Variants in FOXP1 observed in about 807,000 individuals in gnomAD.
The protein encoded by FOXP1 is forkhead box protein P1.
A neutral mutation model predicts 98.2 loss-of-function variants in FOXP1; 15 were observed. The observed-to-expected ratio is 0.15, with a 90% CI of 0.10 to 0.24. The LOEUF is 0.24. FOXP1 is among the 10% of genes least tolerant of loss of function. The pLI is 1.00. For missense variants in FOXP1, 633 were observed against 848.5 expected (o/e 0.75, Z 3.15); for synonymous variants, 371 against 314.5 (o/e 1.18, Z -1.90).
intron 3 of FOXP1, among the ~76,000 whole-genome samples, chr3:71,418,927 AC>A (rs1302288899): frequency 8.4e-6 from 1 of 119,132 alleles, no homozygotes; most frequent in Non-Finnish European, 1.8e-5. Context: ...TATATGAAAG[AC>A]CGGTCTCAAA....
intron 3 of FOXP1, among the ~76,000 whole-genome samples, chr3:71,404,120 C>CTTTTCTTTTTCTT (rs71120324): frequency 1.6e-5 from 1 of 62,704 alleles, no homozygotes; most frequent in African/African-American, 6.4e-5. Flanking sequence ...TTTTCTTTTT[C>CTTTTCTTTTTCTT]TTTTTTTTTT....
intron 3 of FOXP1, among the ~76,000 whole-genome samples, chr3:71,373,595 T>C (rs906645012): frequency 2.0e-5 from 3 of 152,250 alleles, no homozygotes; most frequent in Non-Finnish European, 2.9e-5. Flanking sequence ...AAAAGCAGCA[T>C]AGTGAGGTGA....
At chr3:71,023,514 CACT>C (rs1332970924) in intron 11 of FOXP1, among the ~76,000 whole-genome samples, 1 of 152,138 alleles carries the variant, frequency 6.6e-6, no homozygotes, top group Non-Finnish European at 1.5e-5. Context: ...CGATGGAAGC[CACT>C]ACTATTTTAA....
chr3:71,131,976 G>A (rs1211838922), intron 6 of FOXP1, among the ~76,000 whole-genome samples: 1 of 152,174 alleles, frequency 6.6e-6, no homozygotes, highest in Non-Finnish European at 1.5e-5. Flanking sequence ...TTTGGGGAGG[G>A]GTGGAGTATC....
At chr3:71,483,462 T>G (rs1391871011) in intron 3 of FOXP1, among the ~76,000 whole-genome samples, 1 of 152,162 alleles carries the variant, frequency 6.6e-6, no homozygotes, top group Non-Finnish European at 1.5e-5. Context: ...CTTGGCAAAC[T>G]ATAGGCGCGT....
At chr3:71,201,576 G>C (rs985040294) in intron 5 of FOXP1, among the ~76,000 whole-genome samples, 2 of 152,120 alleles carry the variant, frequency 1.3e-5, no homozygotes, top group Non-Finnish European at 2.9e-5. Flanking sequence ...GAACCCAGGA[G>C]GCAGAGGTTG....
chr3:71,245,468 G>A (rs1405768012), intron 5 of FOXP1: 1 of 151,606 alleles, frequency 6.6e-6, no homozygotes, highest in Non-Finnish European at 1.5e-5. Flanking sequence ...GTAAGAAAAG[G>A]CTTTTAACAT....
intron 3 of FOXP1, among the ~76,000 whole-genome samples, chr3:71,380,821 T>C (rs1284728157): frequency 2.0e-5 from 3 of 149,964 alleles, no homozygotes; most frequent in African/African-American, 4.9e-5. Context: ...CAAGACAGAA[T>C]GGTTTTTTGC....
At chr3:71,196,234 C>T (rs1247735929) in intron 6 of FOXP1, among the ~76,000 whole-genome samples, 1 of 152,150 alleles carries the variant, frequency 6.6e-6, no homozygotes, top group Non-Finnish European at 1.5e-5. Flanking sequence ...CCCATAACAA[C>T]AAATTTTCCA....
In FOXP1 at chr3:71,408,885, G is replaced by A. The variant is rs550798450; in HGVS notation, c.-167-49641C>T. On this transcript the variant is annotated intron_variant, in intron 3 of 20. Coordinates refer to ENST00000649528, the MANE Select transcript of FOXP1 (RefSeq NM_001349338.3). ...GATGTATCTTAGAGGCAGAATCGAT[G>A]AACAAATCATTTGGGCTACATCCTA... Among the ~76,000 whole-genome samples, 8 of 152,266 alleles carry A rather than the reference G, an allele frequency of 5.3e-5. No individual in the cohort carries two copies. The East Asian group carries it at 1.5e-3, about 29-fold the overall frequency.
intron 3 of FOXP1, among the ~76,000 whole-genome samples, chr3:71,445,595 T>C (rs1022430546): frequency 6.6e-6 from 1 of 152,168 alleles, no homozygotes; most frequent in Non-Finnish European, 1.5e-5. Flanking sequence ...TTCTGTGTTA[T>C]GTATGCCCCA....
chr3:71,025,837 A>G (rs1056990531), intron 11 of FOXP1, among the ~76,000 whole-genome samples: 3 of 152,220 alleles, frequency 2.0e-5, no homozygotes, highest in African/African-American at 7.2e-5. Flanking sequence ...CACAGTCCCC[A>G]AACTCTAGGT....
chr3:71,366,874 T>A (rs1045682772), intron 3 of FOXP1, among the ~76,000 whole-genome samples: 1 of 152,244 alleles, frequency 6.6e-6, no homozygotes, highest in Admixed American at 6.5e-5. Context: ...TAAATTTTCA[T>A]ACTTTAAGCC....
At position 71,532,300 on chromosome 3, in the gene FOXP1, T is replaced by A. The variant is rs1409970266; in HGVS notation, c.-297-38745A>T. Among the ~76,000 whole-genome samples the A allele has an allele frequency of 2.6e-5, 4 of 152,176 alleles. No individual in the cohort carries two copies. The East Asian group carries it at 7.7e-4, about 29-fold the overall frequency. ...TTTGTAGAGACGGGGTTTTGCCGTA[T>A]TGCCCAGGCTGGTCTCCAACTCCTG... is the stretch of plus-strand genomic sequence containing the variant. On this transcript the variant is annotated intron_variant, in intron 2 of 20. Transcript: ENST00000649528.
rs1249533636 is a variant in FOXP1 at position 70,956,740 on chromosome 3, T to G, written c.*2507A>C. ...TGAAGCTGCCTGGAAAAGTTTTTTT[T>G]TTTTTTTTTTTTTTTTTTTTTTTTT... On this transcript the variant is annotated 3_prime_UTR_variant, in exon 21 of 21. Coordinates refer to ENST00000649528, the MANE Select transcript of FOXP1 (RefSeq NM_001349338.3). The G allele has an allele frequency of 1.4e-5, 2 of 148,046 alleles. No individual in the cohort carries two copies. The highest frequency in any genetic ancestry group is 1.2e-5 in the Non-Finnish European group (1 of 84,698). 9.2% of individuals were successfully genotyped at this position (148,046 alleles called of 1,614,324 possible).
chr3:71,204,993 AT>A (rs2063927564), intron 5 of FOXP1, among the ~76,000 whole-genome samples: 1 of 152,156 alleles, frequency 6.6e-6, no homozygotes, highest in African/African-American at 2.4e-5. Flanking sequence ...CCGTCTTCCA[AT>A]ACCACATTTT....
chr3:71,230,116 G>C (rs910558241), intron 5 of FOXP1, among the ~76,000 whole-genome samples: 5 of 151,772 alleles, frequency 3.3e-5, no homozygotes, highest in Non-Finnish European at 5.9e-5. Context: ...GACACCACTG[G>C]GGAGGGGTGG....
At position 71,126,256 on chromosome 3, in the gene FOXP1, G is replaced by A. The variant is rs536155682; in HGVS notation, c.181-13619C>T. On this transcript the variant is annotated intron_variant, in intron 6 of 20. Transcript: ENST00000649528. ...TCCCAGCAATTTGGGAGGCCAAGGCGGGCGGATCACCAGGTCAGGAGATCG... is the reference window on the plus strand; with the variant it reads ...TCCCAGCAATTTGGGAGGCCAAGGCAGGCGGATCACCAGGTCAGGAGATCG... Among the ~76,000 whole-genome samples the A allele has an allele frequency of 1.5e-4, 22 of 150,344 alleles. No individual in the cohort carries two copies. In the South Asian group the frequency reaches 1.9e-3, roughly 13 times the overall value.
intron 5 of FOXP1, among the ~76,000 whole-genome samples, chr3:71,221,096 G>A (rs947700799): frequency 6.6e-6 from 1 of 152,084 alleles, no homozygotes; most frequent in Non-Finnish European, 1.5e-5. Flanking sequence ...GGAACCGGTC[G>A]GTAAAGCAGG....
Sources: gnomAD v4.1 joint callset for allele counts (sites outside exome capture counted in the v4.1 genomes callset) on GRCh38, gnomAD v4.1.1 for gene constraint, MANE v1.5 for transcripts, NCBI Gene and HGNC (gene_info 2026-07-23, HGNC 2026-07-21) for gene names.